Variants in IQGAP1 observed in about 807,000 individuals in gnomAD.
IQGAP1 encodes ras GTPase-activating-like protein IQGAP1.
IQGAP1 carries 66 observed loss-of-function variants against 215.6 expected under a neutral mutation model. The ratio of observed to expected loss-of-function variants is 0.31; its 90% confidence interval spans 0.25 to 0.38. IQGAP1 has a LOEUF of 0.38. IQGAP1 is among the 10% of genes least tolerant of loss of function. The pLI, the probability that IQGAP1 is intolerant of heterozygous loss-of-function variation, is 1.00. For synonymous variants in IQGAP1, 772 were observed against 728.7 expected, an observed-to-expected ratio of 1.06 and a Z score of -0.96; for missense variants, 1,712 against 1,997.1, an observed-to-expected ratio of 0.86 and a Z score of 2.72.
chr15:90,482,070 C>T lies in IQGAP1; in HGVS notation c.3440C>T (p.Ser1147Leu). The T allele has an allele frequency of 3.1e-6, 5 of 1,614,246 alleles. No individual in the cohort carries two copies. The highest frequency in any genetic ancestry group is 2.2e-5 in the East Asian group (1 of 44,886). Residue 1147 changes from serine to leucine, a missense_variant, in exon 27 of 38, where the codon TCA becomes TTA. This residue lies in a region of IQGAP1 where 691 missense variants were observed against 923.0 expected (regional missense o/e 0.75). Transcript: ENST00000268182. The part of the protein sequence containing the change: ...NMRAVTDKFL[S>L]AIVSSVDKIP... Reference sequence around the variant, plus strand: ...CGGGCTGTGACAGACAAGTTTCTCTCAGCCATTGTCAGCTCTGTGGACAAA... The same window carrying T: ...CGGGCTGTGACAGACAAGTTTCTCTTAGCCATTGTCAGCTCTGTGGACAAA...
intron 18 of IQGAP1, 31 bp downstream of exon 18, chr15:90,467,623 C>A: frequency 6.3e-7 from 1 of 1,583,094 alleles, no homozygotes; most frequent in Non-Finnish European, 8.6e-7. Flanking sequence ...TAAGAAGAAG[C>A]TGAGAGAAAG....
chr15:90,460,307 A>G (rs1468424357), intron 15 of IQGAP1, among the ~76,000 whole-genome samples: 3 of 152,114 alleles, frequency 2.0e-5, no homozygotes, highest in Admixed American at 2.0e-4. Context: ...CCACACATGC[A>G]CTGTGGCCTC....
In IQGAP1 at chr15:90,451,678, G is replaced by C. The variant is rs142578834; in HGVS notation, c.1163-1097G>C. 7.2e-5 allele frequency among the ~76,000 whole-genome samples: 11 copies of C among 151,870 alleles called. No homozygotes were observed. The East Asian group carries it at 1.4e-3, about 19-fold the overall frequency. Reference sequence around the variant, plus strand: ...TGTCAGGTATCAGATTTCAATGTGAGATTTGGTAGGGACAAATAAACCAAT... The same window carrying C: ...TGTCAGGTATCAGATTTCAATGTGACATTTGGTAGGGACAAATAAACCAAT... On this transcript the variant is annotated intron_variant, in intron 11 of 37. Transcript: ENST00000268182.
chr15:90,460,366 A>T (rs781312460), intron 15 of IQGAP1, among the ~76,000 whole-genome samples: 7 of 151,942 alleles, frequency 4.6e-5, no homozygotes, highest in Non-Finnish European at 8.8e-5. Flanking sequence ...CTCCATGAAC[A>T]TCTCATTCTC....
At chr15:90,492,042 G>A (rs903735613) in intron 34 of IQGAP1, among the ~76,000 whole-genome samples, 1 of 152,092 alleles carries the variant, frequency 6.6e-6, no homozygotes, top group Non-Finnish European at 1.5e-5. Flanking sequence ...AACCAGCTTT[G>A]CAAGTAAATT....
intron 15 of IQGAP1, among the ~76,000 whole-genome samples, chr15:90,460,046 G>A (rs570168847): frequency 6.6e-6 from 1 of 152,120 alleles, no homozygotes; most frequent in East Asian, 1.9e-4. Flanking sequence ...TTTGTTTTGA[G>A]CTGCAGTACT....
intron 34 of IQGAP1, 165 bp downstream of exon 34, chr15:90,491,710 C>T (rs565535846): frequency 5.0e-5 from 31 of 614,456 alleles, no homozygotes; most frequent in Non-Finnish European, 7.7e-5. Context: ...CTTGCCCGAC[C>T]TGAGGTGGCT....
chr15:90,417,413 G>A (rs1965069025), intron 2 of IQGAP1, among the ~76,000 whole-genome samples: 1 of 152,140 alleles, frequency 6.6e-6, no homozygotes, highest in Non-Finnish European at 1.5e-5. Context: ...TCCAGTTTCA[G>A]CTTTCTACAT....
At position 90,488,708 on chromosome 15, in the gene IQGAP1, C is replaced by T. The variant is rs143788103; in HGVS notation, c.4248+1126C>T. Among the ~76,000 whole-genome samples, 926 of 152,014 alleles carry T rather than the reference C, an allele frequency of 6.1e-3. 10 individuals carry two copies. Among genetic ancestry groups the T allele is most frequent in the Non-Finnish European group, 6.8e-3 (465 of 67,962 alleles). ...GGAAGCTTCCTAAAAGAAGTGGAAC[C>T]GGAGCCAGATGTATAAAGGTGGAAA... On this transcript the variant is annotated intron_variant, in intron 33 of 37. Coordinates refer to ENST00000268182, the MANE Select transcript of IQGAP1 (RefSeq NM_003870.4).
At chr15:90,491,679 C>T (rs1966206784) in intron 34 of IQGAP1, 134 bp downstream of exon 34, 1 of 699,114 alleles carries the variant, frequency 1.4e-6, no homozygotes, top group African/African-American at 1.8e-5. Flanking sequence ...GAAACCATAT[C>T]TGACTCTCCA....
At chr15:90,443,526 T>C (rs1338090467) in intron 9 of IQGAP1, 48 bp downstream of exon 9, 19 of 1,071,524 alleles carry the variant, frequency 1.8e-5, no homozygotes, top group Non-Finnish European at 2.4e-5. Flanking sequence ...TATAATATAA[T>C]GTGAATGTTG....
chr15:90,444,243 CTGTGTGTG>C (rs34494521), intron 9 of IQGAP1, among the ~76,000 whole-genome samples: 17 of 126,946 alleles, frequency 1.3e-4, no homozygotes, highest in East Asian at 4.6e-4. Context: ...TCCTTCAAAA[CTGTGTGTG>C]TGTGTGTGTG....
chr15:90,396,919 C>A (rs538740828), intron 2 of IQGAP1, among the ~76,000 whole-genome samples: 1 of 151,640 alleles, frequency 6.6e-6, no homozygotes, highest in East Asian at 1.9e-4. Context: ...GTGGTGCGAT[C>A]TGGGCTCACC....
intron 2 of IQGAP1, chr15:90,391,148 G>T (rs1307018248): frequency 7.0e-6 from 2 of 285,026 alleles, no homozygotes; most frequent in African/African-American, 4.4e-5. Flanking sequence ...TGAGGAGGGA[G>T]GATCACTTGA....
Position 90,441,660 on chromosome 15 carries a change from C to G in IQGAP1, c.804C>G (p.Asp268Glu). ...ATATACTTTACCAGGCTAAGCAGGA[C>G]AAAATGACAAATGCTAAAAACAGGG... Reference protein sequence around the residue: ...YQDILYQAKQDKMTNAKNRTE... With the variant: ...YQDILYQAKQEKMTNAKNRTE... The change falls in exon 8 of 38, where the codon GAC becomes GAG. Residue 268 changes from aspartate to glutamate, a missense_variant. Asp to Glu is a conservative substitution (Grantham distance 45, BLOSUM62 2). Transcript: ENST00000268182. 1 of 1,606,626 alleles carries G rather than the reference C, an allele frequency of 6.2e-7. No individual in the cohort carries two copies. Among genetic ancestry groups the G allele is most frequent in the Non-Finnish European group, 8.5e-7 (1 of 1,176,668 alleles).
At chr15:90,393,007 A>AG (rs1964658235) in intron 2 of IQGAP1, among the ~76,000 whole-genome samples, 1 of 152,004 alleles carries the variant, frequency 6.6e-6, no homozygotes, top group African/African-American at 2.4e-5. Flanking sequence ...AGCCTCCCAA[A>AG]GTGCTGGAAT....
intron 34 of IQGAP1, 34 bp from the exon 35 acceptor site, chr15:90,492,511 C>A: frequency 6.5e-7 from 1 of 1,532,096 alleles, no homozygotes; most frequent in Non-Finnish European, 8.9e-7. Flanking sequence ...TGATAACTGT[C>A]GTTATTTTTC....
chr15:90,420,059 C>G (rs1250786992), intron 2 of IQGAP1, among the ~76,000 whole-genome samples: 1 of 152,116 alleles, frequency 6.6e-6, no homozygotes, highest in Non-Finnish European at 1.5e-5. Context: ...TATTATTATT[C>G]TGTTTTTATG....
At chr15:90,407,364 T>C (rs1402194984) in intron 2 of IQGAP1, among the ~76,000 whole-genome samples, 3 of 152,170 alleles carry the variant, frequency 2.0e-5, no homozygotes, top group Non-Finnish European at 4.4e-5. Context: ...AGTTTAGGAA[T>C]TCAGTCAACT....
Sources: gnomAD v4.1 joint callset for allele counts (sites outside exome capture counted in the v4.1 genomes callset) on GRCh38, gnomAD v4.1.1 for gene constraint, gnomAD v4.1.1 regional missense constraint, MANE v1.5 for transcripts, NCBI Gene and HGNC (gene_info 2026-07-23, HGNC 2026-07-21) for gene names.